The following DRC11 variants were observed in gnomAD, a reference collection of about 807,000 sequenced individuals.
DRC11 encodes the protein dynein regulatory complex subunit 11, also known as IQ and AAA domain-containing protein 1.
At chr2:236,416,754 T>TATATATAA in the DRC11 span, among the ~76,000 whole-genome samples, 2 of 81,404 alleles carry the variant, frequency 2.5e-5, no homozygotes, top group African/African-American at 4.5e-5. Flanking sequence ...TATATATATA[T>TATATATAA]ATATATATAT....
chr2:236,481,787 T>C, the DRC11 span, among the ~76,000 whole-genome samples: 1 of 151,918 alleles, frequency 6.6e-6, no homozygotes, highest in Non-Finnish European at 1.5e-5. Flanking sequence ...TGTGTGTATA[T>C]ACTTAGTTGA....
At chr2:236,460,308 G>A in the DRC11 span, among the ~76,000 whole-genome samples, 13 of 152,164 alleles carry the variant, frequency 8.5e-5, no homozygotes, top group African/African-American at 1.4e-4. This position sits in a 1 kb window ranked among gnomAD's most constrained non-coding sequence, Gnocchi z 4.0. Context: ...GGCCGGTGAG[G>A]GCTGGATCTT....
the DRC11 span, among the ~76,000 whole-genome samples, chr2:236,451,840 C>G: frequency 6.6e-6 from 1 of 152,180 alleles, no homozygotes; most frequent in East Asian, 1.9e-4. Context: ...TTGGGCAAAT[C>G]ATCGTATCAC....
chr2:236,326,340 G>A, the DRC11 span, among the ~76,000 whole-genome samples: 1 of 152,124 alleles, frequency 6.6e-6, no homozygotes, highest in Non-Finnish European at 1.5e-5. Context: ...CATTAATGAA[G>A]GTCAGTGTCT....
the DRC11 span, among the ~76,000 whole-genome samples, chr2:236,389,077 G>A: frequency 6.6e-6 from 1 of 152,156 alleles, no homozygotes; most frequent in Non-Finnish European, 1.5e-5. Flanking sequence ...CTGTCAGACA[G>A]GGACATTTAA....
chr2:236,340,216 C>T, the DRC11 span, among the ~76,000 whole-genome samples: 1 of 152,182 alleles, frequency 6.6e-6, no homozygotes, highest in African/African-American at 2.4e-5. Flanking sequence ...TTGCAATCAC[C>T]ACCTCCTGGG....
the DRC11 span, among the ~76,000 whole-genome samples, chr2:236,486,061 T>C: frequency 6.6e-6 from 1 of 152,232 alleles, no homozygotes; most frequent in Non-Finnish European, 1.5e-5. The surrounding 1 kb of genome is among the most constrained non-coding windows in gnomAD (Gnocchi z 5.7). Context: ...CATAAGATTC[T>C]GAGCAGCCCC....
chr2:236,408,920 C>A, the DRC11 span: 2 of 671,646 alleles, frequency 3.0e-6, no homozygotes, highest in South Asian at 1.5e-5. The surrounding 1 kb of genome is among the most constrained non-coding windows in gnomAD (Gnocchi z 5.5). Context: ...CGATGTGGGT[C>A]ATGCCAACCT....
the DRC11 span, among the ~76,000 whole-genome samples, chr2:236,479,061 A>C: frequency 6.6e-6 from 1 of 152,054 alleles, no homozygotes; most frequent in Non-Finnish European, 1.5e-5. This position sits in a 1 kb window ranked among gnomAD's most constrained non-coding sequence, Gnocchi z 4.1. Context: ...CTGACCTCAA[A>C]TGATCCACGC....
chr2:236,475,827 T>C, the DRC11 span, among the ~76,000 whole-genome samples: 1 of 152,222 alleles, frequency 6.6e-6, no homozygotes, highest in Admixed American at 6.5e-5. This position sits in a 1 kb window ranked among gnomAD's most constrained non-coding sequence, Gnocchi z 4.8. Context: ...TTGAAGAGAC[T>C]GTCCTTTCTC....
chr2:236,451,069 T>G, the DRC11 span, among the ~76,000 whole-genome samples: 1 of 152,206 alleles, frequency 6.6e-6, no homozygotes, highest in Non-Finnish European at 1.5e-5. Context: ...TTAACACTCA[T>G]AGACTTCAAT....
the DRC11 span, among the ~76,000 whole-genome samples, chr2:236,309,705 G>C: frequency 6.6e-6 from 1 of 152,286 alleles, no homozygotes; most frequent in African/African-American, 2.4e-5. The surrounding 1 kb of genome is among the most constrained non-coding windows in gnomAD (Gnocchi z 5.7). Flanking sequence ...TCTTAACCTG[G>C]AATTGATGGA....
At chr2:236,482,196 A>C in the DRC11 span, among the ~76,000 whole-genome samples, 1 of 151,882 alleles carries the variant, frequency 6.6e-6, no homozygotes, top group African/African-American at 2.4e-5. This position sits in a 1 kb window ranked among gnomAD's most constrained non-coding sequence, Gnocchi z 4.5. Context: ...TCATGTAGTC[A>C]AAATTAGTCA....
At chr2:236,447,494 CTT>C in the DRC11 span, among the ~76,000 whole-genome samples, 4 of 147,950 alleles carry the variant, frequency 2.7e-5, no homozygotes, top group Non-Finnish European at 5.9e-5. The surrounding 1 kb of genome is among the most constrained non-coding windows in gnomAD (Gnocchi z 4.6). Flanking sequence ...CATGATGGGA[CTT>C]ACGTTTTAAG....
chr2:236,501,823 A>G, the DRC11 span, among the ~76,000 whole-genome samples: 2 of 152,190 alleles, frequency 1.3e-5, no homozygotes, highest in Non-Finnish European at 1.5e-5. Flanking sequence ...TGACAGGCTA[A>G]TTTTGTTTAG....
At chr2:236,318,733 G>A in the DRC11 span, among the ~76,000 whole-genome samples, 126 of 152,246 alleles carry the variant, frequency 8.3e-4, no homozygotes, top group African/African-American at 2.7e-3. This position sits in a 1 kb window ranked among gnomAD's most constrained non-coding sequence, Gnocchi z 7.0. Flanking sequence ...GTGTGTGCAT[G>A]CATGTGTATA....
chr2:236,500,109 T>C, the DRC11 span, among the ~76,000 whole-genome samples: 1 of 150,772 alleles, frequency 6.6e-6, no homozygotes, highest in Non-Finnish European at 1.5e-5. The surrounding 1 kb of genome is among the most constrained non-coding windows in gnomAD (Gnocchi z 6.3). Context: ...ATGATGATGA[T>C]GATGATGATG....
chr2:236,338,334 G>A, the DRC11 span: 1 of 1,614,038 alleles, frequency 6.2e-7, no homozygotes, highest in Non-Finnish European at 8.5e-7. Context: ...TCTGGTTTCA[G>A]GAGTTTCAGG....
the DRC11 span, among the ~76,000 whole-genome samples, chr2:236,463,299 A>C: frequency 6.6e-6 from 1 of 152,232 alleles, no homozygotes; most frequent in South Asian, 2.1e-4. This position sits in a 1 kb window ranked among gnomAD's most constrained non-coding sequence, Gnocchi z 5.0. Flanking sequence ...GGGTATGTGC[A>C]CATCAATACT....
Sources: gnomAD v4.1 joint callset for allele counts (sites outside exome capture counted in the v4.1 genomes callset) on GRCh38, gnomAD v4.1.1 for gene constraint, Gnocchi (gnomAD v3.1) non-coding constraint, MANE v1.5 for transcripts, NCBI Gene and HGNC (gene_info 2026-07-23, HGNC 2026-07-21) for gene names.